SNTG2: variants seen among roughly 807,000 people sequenced by gnomAD.
The protein encoded by SNTG2 is gamma-2-syntrophin.
In SNTG2, 74 loss-of-function variants were observed where a neutral mutation model predicts 70.9. That is an observed-to-expected ratio of 1.04 (90% CI 0.86 to 1.27). The LOEUF (loss-of-function observed/expected upper bound fraction) is 1.27. Among genes scored for constraint, SNTG2 ranks in the 50% most tolerant of loss-of-function variants. The pLI is 0.00. For synonymous variants in SNTG2, 278 were observed against 273.8 expected (o/e 1.02, Z -0.15); for missense variants, 717 against 690.7 (o/e 1.04, Z -0.43).
At chr2:1,078,185 A>G (rs989249704) in intron 1 of SNTG2, among the ~76,000 whole-genome samples, 1 of 152,206 alleles carries the variant, frequency 6.6e-6, no homozygotes, top group Non-Finnish European at 1.5e-5. Flanking sequence ...CCCCTCGGAT[A>G]TGCCAGGCTG....
chr2:1,257,202 C>T (rs1213375407), intron 12 of SNTG2, among the ~76,000 whole-genome samples: 1 of 152,070 alleles, frequency 6.6e-6, no homozygotes, highest in Non-Finnish European at 1.5e-5. Context: ...TCTTCAAGTC[C>T]ACAATAGAAA....
chr2:1,277,325 C>T lies in SNTG2; in HGVS notation c.1284+9754C>T, dbSNP rs578208447. 2.4e-4 allele frequency among the ~76,000 whole-genome samples: 36 copies of T among 152,240 alleles called. No individual in the cohort carries two copies. The East Asian group carries it at 5.8e-3, about 25-fold the overall frequency. On this transcript the variant is annotated intron_variant, in intron 14 of 16. Transcript: ENST00000308624. ...TCTTATCTTAAGAAACTACCACAGCCGCTCCAACCTTCAGCAGCCACCATC... is the reference window on the plus strand; with the variant it reads ...TCTTATCTTAAGAAACTACCACAGCTGCTCCAACCTTCAGCAGCCACCATC...
At position 1,007,028 on chromosome 2, in the gene SNTG2, C is replaced by CAAATAAAT. The variant is rs140776493; in HGVS notation, c.72+55985_72+55992dup. Among the ~76,000 whole-genome samples the CAAATAAAT allele has an allele frequency of 9.3e-3, 571 of 61,412 alleles. 4 individuals are homozygous for CAAATAAAT. The highest frequency in any genetic ancestry group is 0.026 in the Middle Eastern group (2 of 76). The allele number at this position is 61,412 out of a possible 152,430, so 40.3% of individuals were successfully genotyped here. On this transcript the variant is annotated intron_variant, in intron 1 of 16. Coordinates refer to ENST00000308624, the MANE Select transcript of SNTG2 (RefSeq NM_018968.4). ...TGGGCAACAGAGCGAAACTCCATCT[C>CAAATAAAT]AAATAAATAAATAAATAAATAAATA...
In SNTG2 at chr2:1,283,512, C is replaced by T. The variant is rs551760219; in HGVS notation, c.1284+15941C>T. 2.0e-5 allele frequency among the ~76,000 whole-genome samples: 3 copies of T among 152,264 alleles called. No homozygotes were observed. The East Asian group carries it at 5.8e-4, about 29-fold the overall frequency. On this transcript the variant is annotated intron_variant, in intron 14 of 16. Transcript: ENST00000308624. ...GCATCCAGAGCTGCCTGGACAGGGC[C>T]CACAGTCCCCTCCTTCCCAGACCTG... is the stretch of plus-strand genomic sequence containing the variant.
intron 1 of SNTG2, among the ~76,000 whole-genome samples, chr2:1,000,208 A>T (rs1256431111): frequency 1.3e-5 from 2 of 151,850 alleles, no homozygotes; most frequent in African/African-American, 4.8e-5. Flanking sequence ...ACAACCTAAC[A>T]TTGCACATCA....
intron 6 of SNTG2, among the ~76,000 whole-genome samples, chr2:1,162,039 A>C (rs1393368352): frequency 2.6e-4 from 34 of 128,702 alleles, no homozygotes; most frequent in Non-Finnish European, 1.8e-4. Context: ...GCGCCACTGC[A>C]CTCCAGCCTG....
chr2:1,234,713 G>A (rs1240044814), intron 9 of SNTG2, among the ~76,000 whole-genome samples: 3 of 151,632 alleles, frequency 2.0e-5, no homozygotes, highest in African/African-American at 4.9e-5. Flanking sequence ...CACTGCCTCA[G>A]GGGGCAAAGC....
intron 3 of SNTG2, 26 bp downstream of exon 3, chr2:1,098,278 T>C: frequency 2.5e-6 from 4 of 1,613,890 alleles, no homozygotes; most frequent in African/African-American, 1.3e-5. Context: ...TCTCTATTCC[T>C]GCTTTTTATT....
At chr2:974,848 G>A (rs1660858003) in intron 1 of SNTG2, among the ~76,000 whole-genome samples, 1 of 152,092 alleles carries the variant, frequency 6.6e-6, no homozygotes, top group African/African-American at 2.4e-5. Context: ...GACATTCTCT[G>A]TGGTTAGGGT....
intron 14 of SNTG2, among the ~76,000 whole-genome samples, chr2:1,270,043 G>A (rs750967430): frequency 9.9e-5 from 15 of 152,170 alleles, no homozygotes; most frequent in Non-Finnish European, 1.9e-4. Flanking sequence ...GAAGCCCCGG[G>A]TGGATGCTTC....
intron 1 of SNTG2, among the ~76,000 whole-genome samples, chr2:1,031,528 A>ATATATATATATTTTTTTTTTTTTT: frequency 1.0e-4 from 6 of 59,120 alleles, no homozygotes; most frequent in Admixed American, 2.1e-4. Flanking sequence ...ATATATATAT[A>ATATATATATATTTTTTTTTTTTTT]TTTTTTTTTT....
At chr2:1,114,149 C>T (rs1156855515) in intron 4 of SNTG2, among the ~76,000 whole-genome samples, 1 of 150,846 alleles carries the variant, frequency 6.6e-6, no homozygotes, top group East Asian at 2.0e-4. Context: ...GAGGTTTAAC[C>T]CTTACGGTCC....
At chr2:1,131,871 C>G (rs1181440936) in intron 4 of SNTG2, among the ~76,000 whole-genome samples, 1 of 151,980 alleles carries the variant, frequency 6.6e-6, no homozygotes, top group Admixed American at 6.6e-5. Flanking sequence ...AGGATGGTCT[C>G]GATCTCCTGA....
At chr2:981,187 CTT>C (rs1661084712) in intron 1 of SNTG2, among the ~76,000 whole-genome samples, 1 of 152,182 alleles carries the variant, frequency 6.6e-6, no homozygotes. Context: ...AGGAGTGTGA[CTT>C]TGAGCAAGGG....
intron 13 of SNTG2, among the ~76,000 whole-genome samples, chr2:1,266,391 C>T (rs1475678479): frequency 6.6e-6 from 1 of 152,178 alleles, no homozygotes; most frequent in African/African-American, 2.4e-5. Context: ...CCATGCAGCA[C>T]AGGCTGGCAG....
At chr2:1,313,836 G>A (rs138436197) in intron 15 of SNTG2, among the ~76,000 whole-genome samples, 1 of 152,112 alleles carries the variant, frequency 6.6e-6, no homozygotes, top group Admixed American at 6.5e-5. Context: ...CCATCACCCA[G>A]ACAAGAGCTA....
chr2:1,138,330 G>C (rs1310511102), intron 6 of SNTG2, among the ~76,000 whole-genome samples: 3 of 152,194 alleles, frequency 2.0e-5, no homozygotes, highest in African/African-American at 7.2e-5. Flanking sequence ...ATTCGGTGCA[G>C]GATGCTTTCC....
At chr2:1,040,163 T>C (rs962420028) in intron 1 of SNTG2, among the ~76,000 whole-genome samples, 12 of 152,108 alleles carry the variant, frequency 7.9e-5, no homozygotes, top group African/African-American at 2.9e-4. Context: ...TCTCTTACAG[T>C]CAATTGTTGT....
chr2:996,673 G>GTTTTTTTTTTTTTTTTT lies in SNTG2; in HGVS notation c.72+45620_72+45636dup. Among the ~76,000 whole-genome samples the GTTTTTTTTTTTTTTTTT allele has an allele frequency of 2.1e-3, 74 of 35,098 alleles. 13 individuals carry two copies. Among genetic ancestry groups the GTTTTTTTTTTTTTTTTT allele is most frequent in the African/African-American group, 3.0e-3 (24 of 7,990 alleles). The allele number at this position is 35,098 out of a possible 152,430, so 23.0% of individuals were successfully genotyped here. A position where few individuals can be genotyped will look rare whatever the true frequency, so the allele number is the denominator to read the frequency against. ...ATATTGCTTGTATTTGAGTTACCCA[G>GTTTTTTTTTTTTTTTTT]TTTTTTTTTTTTTTTTTTTTTTTTT... On this transcript the variant is annotated intron_variant, in intron 1 of 16. Transcript: ENST00000308624.
Sources: gnomAD v4.1 joint callset for allele counts (sites outside exome capture counted in the v4.1 genomes callset) on GRCh38, gnomAD v4.1.1 for gene constraint, MANE v1.5 for transcripts, NCBI Gene and HGNC (gene_info 2026-07-23, HGNC 2026-07-21) for gene names.